The following UGGT2 variants were observed in gnomAD, a reference collection of about 807,000 sequenced individuals.
UGGT2 encodes UDP-glucose:glycoprotein glucosyltransferase 2.
Under a neutral mutation model 192.1 loss-of-function variants are expected in UGGT2, and 180 were observed. The ratio of observed to expected loss-of-function variants is 0.94; its 90% CI spans 0.83 to 1.06. The LOEUF (loss-of-function observed/expected upper bound fraction) is 1.06, where lower values mean the gene tolerates loss of function less well. Ranked by LOEUF, UGGT2 falls within the 50% of genes least tolerant of loss-of-function variation. The probability of loss-of-function intolerance (pLI) is 0.00; values close to 1 mark genes in which losing one functional copy is unlikely to be tolerated. For missense variants in UGGT2, 1,849 were observed against 1,795.7 expected, an observed-to-expected ratio of 1.03 and a Z score of -0.54; for synonymous variants, 580 against 591.0, an observed-to-expected ratio of 0.98 and a Z score of 0.27.
rs1566740770 is a variant in UGGT2, at chr13:95,947,158, A to G, written c.1556T>C (p.Phe519Ser). The G allele has an allele frequency of 1.9e-6, 3 of 1,600,178 alleles. No homozygotes were observed. Among genetic ancestry groups the G allele is most frequent in the African/African-American group, 2.7e-5 (2 of 74,224 alleles). ...HEVPLRIGFV[F>S]ILNTDDEVDG... ...AACTTCATCATCTGTATTAAGAATG[A>G]ACACAAAACCAATTCTGGAAAAAGA... Residue 519 changes from phenylalanine (F) to serine (S), a missense_variant, in exon 15 of 39, where the codon TTC (phenylalanine) becomes TCC (serine). Coordinates refer to ENST00000376747, the MANE Select transcript of UGGT2 (RefSeq NM_020121.4).
intron 1 of UGGT2, among the ~76,000 whole-genome samples, chr13:96,039,758 CAA>C (rs2053113528): frequency 1.3e-5 from 2 of 152,192 alleles, no homozygotes; most frequent in Non-Finnish European, 2.9e-5. Context: ...TCACCAGTTT[CAA>C]GATGTTTTCC....
intron 38 of UGGT2, among the ~76,000 whole-genome samples, chr13:95,825,267 T>C (rs1444758916): frequency 6.6e-6 from 1 of 152,112 alleles, no homozygotes; most frequent in Non-Finnish European, 1.5e-5. Flanking sequence ...TATCCCTGGG[T>C]AGGAACCTGT....
chr13:95,924,954 A>C (rs1304948351), intron 20 of UGGT2, among the ~76,000 whole-genome samples: 1 of 152,198 alleles, frequency 6.6e-6, no homozygotes, highest in Non-Finnish European at 1.5e-5. Context: ...CACTCAGGTA[A>C]ATTGCTCCTA....
chr13:96,028,788 G>A (rs1432915483), intron 2 of UGGT2, among the ~76,000 whole-genome samples: 1 of 152,122 alleles, frequency 6.6e-6, no homozygotes, highest in Non-Finnish European at 1.5e-5. Context: ...ACCTAAATTA[G>A]TACAAGTAAC....
rs747624970 is a variant in UGGT2 at position 95,863,612 on chromosome 13, T to C, written c.3644+17A>G. The stretch of plus-strand genomic sequence containing the variant: ...GGATCAATCTAGTGATGTATTAAAA[T>C]ATTCATTAGTAATTACCTTTTAATG... On this transcript the variant is annotated intron_variant, in intron 31 of 38. Transcript: ENST00000376747. The C allele has an allele frequency of 7.0e-6, 11 of 1,567,580 alleles. No individual in the cohort carries two copies. The highest frequency in any genetic ancestry group is 9.7e-6 in the Non-Finnish European group (11 of 1,138,868).
intron 7 of UGGT2, among the ~76,000 whole-genome samples, chr13:95,992,273 T>C (rs559873836): frequency 1.3e-5 from 2 of 152,376 alleles, no homozygotes; most frequent in South Asian, 2.1e-4. Flanking sequence ...ACTGAATCTG[T>C]AGATTGGCAG....
In UGGT2 at chr13:95,902,932, G is replaced by C; in HGVS notation, c.2424C>G (p.Ser808Arg). 6.2e-7 allele frequency: 1 copy of C among 1,613,502 alleles called. No individual in the cohort carries two copies. Among genetic ancestry groups the C allele is most frequent in the Non-Finnish European group, 8.5e-7 (1 of 1,179,664 alleles). Residue 808 changes from serine (S) to arginine (R), a missense_variant, in exon 21 of 39, where the codon AGC (serine) becomes AGG (arginine). Transcript: ENST00000376747. Reference protein sequence around the residue: ...FLTQKNMFLRSFLGQLAKEEI... With the variant: ...FLTQKNMFLRRFLGQLAKEEI... ...CTTCCTTTGCCAGTTGCCCAAGAAA[G>C]CTTCTCAAAAACATGTTCTTCTGTG...
At chr13:95,903,791 G>A (rs1255860608) in intron 20 of UGGT2, among the ~76,000 whole-genome samples, 3 of 152,140 alleles carry the variant, frequency 2.0e-5, no homozygotes, top group Non-Finnish European at 4.4e-5. Context: ...TTCAGAAGAT[G>A]CTAAATAGTT....
At chr13:96,020,569 C>G (rs563780209) in intron 4 of UGGT2, among the ~76,000 whole-genome samples, 19 of 152,112 alleles carry the variant, frequency 1.2e-4, no homozygotes, top group African/African-American at 4.6e-4. Context: ...ACCATTAAAT[C>G]AGTCAAGTTT....
intron 22 of UGGT2, 22 bp downstream of exon 22, chr13:95,900,785 A>G (rs1306287091): frequency 1.3e-6 from 2 of 1,598,122 alleles, no homozygotes; most frequent in South Asian, 1.1e-5. Flanking sequence ...GAGAAAAGAG[A>G]GCAATAGCTT....
At chr13:96,047,270 G>C (rs539658330) in intron 1 of UGGT2, among the ~76,000 whole-genome samples, 2 of 152,306 alleles carry the variant, frequency 1.3e-5, no homozygotes, top group Non-Finnish European at 2.9e-5. Flanking sequence ...CTGAGACGAA[G>C]CTTCCAGAGG....
At chr13:95,931,131 GGGTGCTGATT>G (rs1460764074) in intron 17 of UGGT2, among the ~76,000 whole-genome samples, 2 of 152,134 alleles carry the variant, frequency 1.3e-5, no homozygotes, top group African/African-American at 4.8e-5. Context: ...CGTTTTGACA[GGGTGCTGATT>G]GGTGTGTTTA....
Position 95,863,005 on chromosome 13 carries a change from G to A in UGGT2, c.3644+624C>T, listed in dbSNP as rs143854648. Among the ~76,000 whole-genome samples, 333 of 152,208 alleles carry A rather than the reference G, an allele frequency of 2.2e-3. 4 individuals carry two copies. The highest frequency in any genetic ancestry group is 6.8e-3 in the Middle Eastern group (2 of 294). ...AGTCTTCTGAGTAACTGGAACTACAGATACATGCCATCACAACAGGCTAAT... is the reference window on the plus strand; with the variant it reads ...AGTCTTCTGAGTAACTGGAACTACAAATACATGCCATCACAACAGGCTAAT... On this transcript the variant is annotated intron_variant, in intron 31 of 38. Transcript: ENST00000376747.
Position 95,933,848 on chromosome 13 carries a change from A to AT in UGGT2, c.1977+3075dup, listed in dbSNP as rs200727127. ...AGGCACCAGCCACCAGGCCCAGCTAATTTTTTTTTGTACTTTTAGTAGAGA... is the reference window on the plus strand; with the variant it reads ...AGGCACCAGCCACCAGGCCCAGCTAATTTTTTTTTTGTACTTTTAGTAGAGA... On this transcript the variant is annotated intron_variant, in intron 17 of 38. Transcript: ENST00000376747. Among the ~76,000 whole-genome samples the AT allele has an allele frequency of 1.6e-4, 24 of 151,558 alleles. 1 individual carries two copies. The East Asian group carries it at 2.9e-3, about 18-fold the overall frequency.
intron 33 of UGGT2, among the ~76,000 whole-genome samples, chr13:95,857,635 G>A (rs1396254772): frequency 2.0e-5 from 3 of 152,082 alleles, no homozygotes; most frequent in Non-Finnish European, 4.4e-5. Flanking sequence ...GTTTGAGTTT[G>A]TAAAAATCCA....
At position 95,877,859 on chromosome 13, in the gene UGGT2, G is replaced by A; in HGVS notation, c.3229-3C>T. On this transcript the variant is annotated splice_region_variant and splice_polypyrimidine_tract_variant and intron_variant, in intron 27 of 38. Coordinates refer to ENST00000376747, the MANE Select transcript of UGGT2 (RefSeq NM_020121.4). ...TCTGCTGTAACAGTTTTCTCAGTCT[G>A]TGGAGGAAGTATGTCATTGTTTTTG... The A allele has an allele frequency of 6.2e-7, 1 of 1,608,946 alleles. No individual in the cohort carries two copies.
chr13:96,053,030 G>T, intron 1 of UGGT2, 125 bp downstream of exon 1: 3 of 1,288,044 alleles, frequency 2.3e-6, no homozygotes, highest in Non-Finnish European at 2.0e-6. Context: ...GATGCTCAGG[G>T]CCAGAGCGGG....
chr13:95,967,782 T>G (rs944436547), intron 12 of UGGT2, among the ~76,000 whole-genome samples: 3 of 152,172 alleles, frequency 2.0e-5, no homozygotes, highest in Non-Finnish European at 4.4e-5. Context: ...AGGCATAACT[T>G]TTTAAAAGGA....
Position 95,859,570 on chromosome 13 carries a change from CA to C in UGGT2, c.3825+20del. 2.6e-6 allele frequency: 4 copies of C among 1,563,782 alleles called. No homozygotes were observed. The highest frequency in any genetic ancestry group is 1.1e-5 in the South Asian group (1 of 87,696). On this transcript the variant is annotated intron_variant, in intron 33 of 38. Transcript: ENST00000376747. The stretch of plus-strand genomic sequence containing the variant: ...TACTATTCAAACATTAACCATTCTA[CA>C]AAAAAAGCTATGTACTTACTTTAAA...
Sources: allele counts gnomAD v4.1 joint callset (sites outside exome capture counted in the v4.1 genomes callset), GRCh38; gene constraint gnomAD v4.1.1; transcripts MANE v1.5; gene names NCBI Gene and HGNC (gene_info 2026-07-23, HGNC 2026-07-21).